Variants in ITFG1 observed in about 807,000 individuals in gnomAD.
ITFG1 encodes the protein T-cell immunomodulatory protein.
ITFG1 carries 34 observed loss-of-function variants against 81.8 expected under a neutral mutation model. That is an observed-to-expected ratio of 0.42 (90% CI 0.32 to 0.55). The LOEUF (loss-of-function observed/expected upper bound fraction) is 0.55. ITFG1 is among the 20% of genes least tolerant of loss of function. ITFG1 has a pLI of 0.17. For missense variants in ITFG1, 672 were observed against 755.4 expected, an observed-to-expected ratio of 0.89 and a Z score of 1.29; for synonymous variants, 285 against 270.6, an observed-to-expected ratio of 1.05 and a Z score of -0.52.
chr16:47,446,617 T>G (rs1156905674), intron 5 of ITFG1, among the ~76,000 whole-genome samples: 1 of 152,046 alleles, frequency 6.6e-6, no homozygotes, highest in Non-Finnish European at 1.5e-5. Context: ...AGGACTACTG[T>G]GAAACTCACT....
intron 5 of ITFG1, among the ~76,000 whole-genome samples, chr16:47,437,817 T>A (rs1269097858): frequency 6.6e-6 from 1 of 152,176 alleles, no homozygotes; most frequent in Non-Finnish European, 1.5e-5. Flanking sequence ...AGGTACCGGG[T>A]ACATCTCACT....
chr16:47,420,096 A>G (rs1968925512), intron 6 of ITFG1, among the ~76,000 whole-genome samples: 1 of 152,020 alleles, frequency 6.6e-6, no homozygotes, highest in Non-Finnish European at 1.5e-5. Flanking sequence ...TTTATTGAGT[A>G]AATGGTTGAC....
At chr16:47,439,658 C>T (rs1032481627) in intron 5 of ITFG1, among the ~76,000 whole-genome samples, 2 of 152,158 alleles carry the variant, frequency 1.3e-5, no homozygotes, top group African/African-American at 2.4e-5. Context: ...CACCACCAGG[C>T]CTGCCCTAAA....
chr16:47,329,543 T>C (rs985176285), intron 8 of ITFG1, among the ~76,000 whole-genome samples: 7 of 152,164 alleles, frequency 4.6e-5, no homozygotes, highest in Admixed American at 4.6e-4. Context: ...TTTCTTTATC[T>C]GTAAAATGCA....
chr16:47,362,000 A>G (rs1968115563), intron 8 of ITFG1, among the ~76,000 whole-genome samples: 1 of 152,108 alleles, frequency 6.6e-6, no homozygotes, highest in African/African-American at 2.4e-5. Context: ...TTGTCTTTAC[A>G]GCACGATTAA....
intron 10 of ITFG1, 21 bp from the exon 11 acceptor site, chr16:47,260,716 AT>A (rs771764134): frequency 6.2e-7 from 1 of 1,613,716 alleles, no homozygotes; most frequent in African/African-American, 1.3e-5. Context: ...AAGGAAAGGC[AT>A]TTCGTTAATA....
At chr16:47,161,028 G>A (rs1269813631) in intron 16 of ITFG1, among the ~76,000 whole-genome samples, 1 of 152,112 alleles carries the variant, frequency 6.6e-6, no homozygotes, top group East Asian at 1.9e-4. Context: ...TTCTCATATT[G>A]ATATTTGTCT....
chr16:47,360,052 A>C (rs1049740000), intron 8 of ITFG1, among the ~76,000 whole-genome samples: 2 of 152,234 alleles, frequency 1.3e-5, no homozygotes, highest in Non-Finnish European at 2.9e-5. Flanking sequence ...GAATTCATTA[A>C]CCAATGCCTT....
At chr16:47,218,831 A>G (rs1965657299) in intron 14 of ITFG1, 37 bp downstream of exon 14, 6 of 1,282,926 alleles carry the variant, frequency 4.7e-6, no homozygotes, top group African/African-American at 1.5e-5. Context: ...TGACTGAAGA[A>G]GCTTTTATAC....
chr16:47,331,611 C>A (rs545347701), intron 8 of ITFG1, among the ~76,000 whole-genome samples: 1 of 152,128 alleles, frequency 6.6e-6, no homozygotes, highest in Non-Finnish European at 1.5e-5. Flanking sequence ...AAATATCTAT[C>A]TTTGTGAGAT....
chr16:47,268,556 A>G (rs924277200), intron 10 of ITFG1, among the ~76,000 whole-genome samples: 1 of 152,252 alleles, frequency 6.6e-6, no homozygotes, highest in Non-Finnish European at 1.5e-5. Context: ...AGAAAACTAC[A>G]GACCAATATT....
At chr16:47,369,086 A>T (rs1027528519) in intron 7 of ITFG1, among the ~76,000 whole-genome samples, 2 of 152,230 alleles carry the variant, frequency 1.3e-5, no homozygotes, top group Admixed American at 1.3e-4. Context: ...ATATGTAATG[A>T]AATGATTTAA....
chr16:47,400,721 A>G (rs1968650776), intron 6 of ITFG1, among the ~76,000 whole-genome samples: 1 of 151,948 alleles, frequency 6.6e-6, no homozygotes. Flanking sequence ...GGAAGCAAAG[A>G]GGTAGGGGAA....
At chr16:47,329,916 A>G (rs1967614364) in intron 8 of ITFG1, among the ~76,000 whole-genome samples, 1 of 152,156 alleles carries the variant, frequency 6.6e-6, no homozygotes, top group African/African-American at 2.4e-5. Flanking sequence ...TGTTAGAATA[A>G]GACACTCAGA....
chr16:47,166,245 A>G (rs935403772), intron 14 of ITFG1, among the ~76,000 whole-genome samples: 7 of 152,360 alleles, frequency 4.6e-5, no homozygotes, highest in African/African-American at 1.7e-4. Context: ...TTTTGTCTAC[A>G]TGACATCAAA....
rs1262630525 is a variant in ITFG1 at position 47,441,494 on chromosome 16, C to T, written c.560+9902G>A. Among the ~76,000 whole-genome samples, 8 of 152,190 alleles carry T rather than the reference C, an allele frequency of 5.3e-5. No homozygotes were observed. The East Asian group carries it at 9.6e-4, about 18-fold the overall frequency. On this transcript the variant is annotated intron_variant, in intron 5 of 17. Coordinates refer to ENST00000320640, the MANE Select transcript of ITFG1 (RefSeq NM_030790.5). ...AGCTTATCCACCATGATCACGTGGG[C>T]TTCATCCCTGGGATGCAAGGCTGGT...
chr16:47,162,996 G>A (rs1193639340), intron 14 of ITFG1, among the ~76,000 whole-genome samples: 7 of 151,940 alleles, frequency 4.6e-5, no homozygotes, highest in East Asian at 3.9e-4. Flanking sequence ...TTGTGGAGAC[G>A]GGGTCTTACT....
At chr16:47,269,443 G>A (rs1966312532) in intron 10 of ITFG1, among the ~76,000 whole-genome samples, 1 of 145,136 alleles carries the variant, frequency 6.9e-6, no homozygotes, top group Non-Finnish European at 1.5e-5. Context: ...GAGCCCAGGA[G>A]TCTGAGACCA....
At chr16:47,386,441 C>A (rs1399155719) in intron 6 of ITFG1, among the ~76,000 whole-genome samples, 1 of 152,136 alleles carries the variant, frequency 6.6e-6, no homozygotes, top group East Asian at 1.9e-4. Flanking sequence ...GGCAGGCCAC[C>A]ATTTCTCATC....
Sources: gnomAD v4.1 joint callset for allele counts (sites outside exome capture counted in the v4.1 genomes callset) on GRCh38, gnomAD v4.1.1 for gene constraint, MANE v1.5 for transcripts, NCBI Gene and HGNC (gene_info 2026-07-23, HGNC 2026-07-21) for gene names.